The following LONP2 variants were observed in gnomAD, a reference collection of about 807,000 sequenced individuals.
LONP2 encodes the protein lon protease homolog 2, peroxisomal.
In LONP2, 60 loss-of-function variants were observed where a neutral mutation model predicts 85.6. That is an observed-to-expected ratio of 0.70 (90% CI 0.57 to 0.87). LONP2 has a LOEUF of 0.87. Among genes scored for constraint, LONP2 ranks in the 40% least tolerant of loss-of-function variants. The pLI is 0.00. For synonymous variants in LONP2, 395 were observed against 389.7 expected (o/e 1.01, Z -0.16); for missense variants, 860 against 1,063.5 (o/e 0.81, Z 2.66).
At chr16:48,253,659 C>G (rs1971699391) in intron 2 of LONP2, among the ~76,000 whole-genome samples, 1 of 152,094 alleles carries the variant, frequency 6.6e-6, no homozygotes, top group Non-Finnish European at 1.5e-5. Flanking sequence ...GTCTTTGTGC[C>G]TCTATTGGAC....
In LONP2 at chr16:48,334,250, T is replaced by G. The variant is rs1465654632; in HGVS notation, c.1830T>G (p.Pro610=). 2 of 1,613,924 alleles carry G rather than the reference T, an allele frequency of 1.2e-6. No homozygotes were observed. Among genetic ancestry groups the G allele is most frequent in the African/African-American group, 1.3e-5 (1 of 74,924 alleles). ...AACACATCTTAGAAGATGAAAAACCTGAATCTATCAGTGACACTACTGACT... is the reference window on the plus strand; with the variant it reads ...AACACATCTTAGAAGATGAAAAACCGGAATCTATCAGTGACACTACTGACT... ...CREHILEDEK[P]ESISDTTDLA... is the part of the protein sequence containing the mutation. Residue 610 remains proline (P), a synonymous_variant, in exon 12 of 15, where the codon CCT becomes CCG. Coordinates refer to ENST00000285737, the MANE Select transcript of LONP2 (RefSeq NM_031490.5).
chr16:48,360,010 T>C (rs560019007), downstream of LONP2, among the ~76,000 whole-genome samples: 1 of 152,364 alleles, frequency 6.6e-6, no homozygotes, highest in African/African-American at 2.4e-5. Flanking sequence ...ACTGAAGGCA[T>C]AATGGTAGCT....
intron 8 of LONP2, among the ~76,000 whole-genome samples, chr16:48,290,543 C>T (rs1158322635): frequency 6.6e-6 from 1 of 152,182 alleles, no homozygotes; most frequent in African/African-American, 2.4e-5. Flanking sequence ...ACAAGCCCCC[C>T]TCCTCAGGTT....
At chr16:48,252,465 A>T (rs1478159982) in intron 2 of LONP2, 100 bp downstream of exon 2, 1 of 655,622 alleles carries the variant, frequency 1.5e-6, no homozygotes, top group African/African-American at 1.8e-5. Context: ...TTAGGACAGT[A>T]TACATTTAAA....
At chr16:48,248,886 A>G (rs748287425) in intron 1 of LONP2, among the ~76,000 whole-genome samples, 14 of 113,706 alleles carry the variant, frequency 1.2e-4, no homozygotes, top group South Asian at 2.5e-4. Context: ...TGTCTATAGG[A>G]AAAAAAAAAA....
chr16:48,252,056 C>A, intron 1 of LONP2, 75 bp from the exon 2 acceptor site: 1 of 1,134,338 alleles, frequency 8.8e-7, no homozygotes. Flanking sequence ...ATCAGAAAAG[C>A]CAACACTTTC....
At chr16:48,287,371 T>C (rs943859189) in intron 8 of LONP2, among the ~76,000 whole-genome samples, 37 of 152,258 alleles carry the variant, frequency 2.4e-4, no homozygotes, top group Non-Finnish European at 2.9e-5. Context: ...TTCCCAGTTT[T>C]TCCATTTAAG....
rs757548466 is a variant in LONP2, at chr16:48,356,696, C to CT, written c.*4894_*4895insT. On this transcript the variant is annotated 3_prime_UTR_variant, in exon 15 of 15. Coordinates refer to ENST00000285737, the MANE Select transcript of LONP2 (RefSeq NM_031490.5). ...GAAATATCAAAAAGGTCTGAATAGA[C>CT]AACAGGCAAATATGGTGAGTGGTCA... 51 of 386,928 alleles carry CT rather than the reference C, an allele frequency of 1.3e-4. No homozygotes were observed. The highest frequency in any genetic ancestry group is 1.0e-3 in the African/African-American group (48 of 47,776). 24.0% of individuals were successfully genotyped at this position (386,928 alleles called of 1,614,324 possible).
At chr16:48,254,970 G>A (rs1281515452) in intron 2 of LONP2, among the ~76,000 whole-genome samples, 1 of 152,100 alleles carries the variant, frequency 6.6e-6, no homozygotes, top group African/African-American at 2.4e-5. Flanking sequence ...CAGCTTCATC[G>A]TAATTATACT....
chr16:48,293,478 A>G (rs1596955428), intron 8 of LONP2, among the ~76,000 whole-genome samples: 1 of 152,276 alleles, frequency 6.6e-6, no homozygotes, highest in East Asian at 1.9e-4. Context: ...AAAATTACTC[A>G]TGACGCTTAT....
At chr16:48,282,591 G>C (rs2150985710) in intron 8 of LONP2, among the ~76,000 whole-genome samples, 1 of 151,926 alleles carries the variant, frequency 6.6e-6, no homozygotes, top group South Asian at 2.1e-4. Context: ...AGTGATCTTT[G>C]GTATTGCTAT....
rs866322952 is a variant in LONP2, at chr16:48,354,079, T to C, written c.*2277T>C. 1 of 17,374 alleles carries C rather than the reference T, an allele frequency of 5.8e-5. No homozygotes were observed. The highest frequency in any genetic ancestry group is 1.1e-4 in the Non-Finnish European group (1 of 8,864). 1.1% of individuals were successfully genotyped at this position (17,374 alleles called of 1,614,324 possible). A position where few individuals can be genotyped will look rare whatever the true frequency, so the allele number is the denominator to read the frequency against. On this transcript the variant is annotated 3_prime_UTR_variant, in exon 15 of 15. Transcript: ENST00000285737. ...CTTTTTCACCTGGGTTTTTTTTTTT[T>C]GGGGGGGGTGGGGGGTTAGGGGTGG...
chr16:48,315,792 A>G (rs1973127699), intron 11 of LONP2, among the ~76,000 whole-genome samples: 1 of 151,048 alleles, frequency 6.6e-6, no homozygotes. Context: ...CTGAGAAGAG[A>G]GCCCTTCACT....
intron 11 of LONP2, among the ~76,000 whole-genome samples, chr16:48,320,829 T>G (rs914704925): frequency 6.6e-6 from 1 of 152,232 alleles, no homozygotes; most frequent in African/African-American, 2.4e-5. Flanking sequence ...AAAATCTAAC[T>G]ATAATAGGAG....
chr16:48,350,359 A>G (rs886204677), intron 14 of LONP2, among the ~76,000 whole-genome samples: 2 of 151,604 alleles, frequency 1.3e-5, no homozygotes, highest in Non-Finnish European at 2.9e-5. Flanking sequence ...ACTGCACTCT[A>G]GCTTGGGTGA....
intron 12 of LONP2, among the ~76,000 whole-genome samples, chr16:48,335,937 A>T (rs1006057183): frequency 6.6e-6 from 1 of 152,242 alleles, no homozygotes; most frequent in Non-Finnish European, 1.5e-5. Context: ...TGAGCAAAAC[A>T]TTGTTGATTG....
chr16:48,256,294 T>C (rs371352564), intron 2 of LONP2, among the ~76,000 whole-genome samples: 1 of 152,254 alleles, frequency 6.6e-6, no homozygotes, highest in South Asian at 2.1e-4. Flanking sequence ...AGTTATTGTA[T>C]GATTCTTGCA....
chr16:48,262,445 T>G (rs1971897364), intron 5 of LONP2, among the ~76,000 whole-genome samples: 1 of 152,222 alleles, frequency 6.6e-6, no homozygotes, highest in South Asian at 2.1e-4. Flanking sequence ...TCCTGCAGTT[T>G]GCAGGTATCT....
At chr16:48,290,764 T>C (rs937360457) in intron 8 of LONP2, among the ~76,000 whole-genome samples, 8 of 152,208 alleles carry the variant, frequency 5.3e-5, no homozygotes, top group African/African-American at 1.9e-4. Context: ...GGGTTTTTAA[T>C]GGAGGCCTTG....
Sources: allele counts gnomAD v4.1 joint callset (sites outside exome capture counted in the v4.1 genomes callset), GRCh38; gene constraint gnomAD v4.1.1; transcripts MANE v1.5; gene names NCBI Gene and HGNC (gene_info 2026-07-23, HGNC 2026-07-21).